SPTBN2: variants seen among roughly 807,000 people sequenced by gnomAD.
The protein encoded by SPTBN2 is spectrin beta chain, non-erythrocytic 2.
SPTBN2 carries 107 observed loss-of-function variants against 284.2 expected under a neutral mutation model. The observed-to-expected ratio is 0.38, with a 90% CI of 0.32 to 0.44. The LOEUF (loss-of-function observed/expected upper bound fraction) is 0.44. Ranked by LOEUF, SPTBN2 falls within the 20% of genes least tolerant of loss-of-function variation. The pLI is 1.00. For missense variants in SPTBN2, 2,569 were observed against 3,287.1 expected, an observed-to-expected ratio of 0.78 and a Z score of 5.34; for synonymous variants, 1,289 against 1,354.8, an observed-to-expected ratio of 0.95 and a Z score of 1.07.
chr11:66,707,710 C>T lies in SPTBN2; in HGVS notation c.1459G>A (p.Val487Met), dbSNP rs1334464409. The T allele has an allele frequency of 1.2e-6, 2 of 1,605,134 alleles. No individual in the cohort carries two copies. Among genetic ancestry groups the T allele is most frequent in the Non-Finnish European group, 1.7e-6 (2 of 1,178,780 alleles). ...YSGRVQAVDA[V>M]AAELAAERYH... ...CGCTCGGCGGCCAGCTCTGCAGCCA[C>T]GGCGTCCACTGCCTGCACCCGGCCG... is the stretch of plus-strand genomic sequence containing the variant. Residue 487 changes from valine (V) to methionine (M), a missense_variant, in exon 13 of 38, where the codon GTG (valine) becomes ATG (methionine). Physicochemically the swap from Val to Met is conservative, Grantham distance 21. Transcript: ENST00000533211. The surrounding 1 kb of genome is among the most constrained non-coding windows in gnomAD (Gnocchi z 4.9).
At chr11:66,698,911 G>A in intron 19 of SPTBN2, 81 bp downstream of exon 19, 3 of 1,600,898 alleles carry the variant, frequency 1.9e-6, no homozygotes, top group Non-Finnish European at 2.6e-6. Flanking sequence ...ACAGTCTCCG[G>A]TACCTTGTGC....
Position 66,689,922 on chromosome 11 carries a change from T to A in SPTBN2, c.5832A>T (p.Leu1944=), listed in dbSNP as rs777004329. ...TGATGCCTTGCTGGTTCTTGATGAC[T>A]AGATCCGCGGAGGACACATCCCTGG... The part of the protein sequence containing the change: ...ERPRDVSSAD[L]VIKNQQGIKA... The change falls in exon 29 of 38, where the codon CTA becomes CTT. Residue 1944 remains leucine, a synonymous_variant. Transcript: ENST00000533211. The A allele has an allele frequency of 6.2e-7, 1 of 1,613,946 alleles. No homozygotes were observed. Among genetic ancestry groups the A allele is most frequent in the Admixed American group, 1.7e-5 (1 of 60,012 alleles).
intron 1 of SPTBN2, among the ~76,000 whole-genome samples, chr11:66,740,548 G>A (rs1349056838): frequency 1.3e-5 from 2 of 152,198 alleles, no homozygotes; most frequent in Non-Finnish European, 2.9e-5. Context: ...TCAAGAAGGT[G>A]AAGGGATGAG....
rs757970041 is a variant in SPTBN2, at chr11:66,715,393, T to C, written c.312A>G (p.Pro104=). 1.2e-6 allele frequency: 2 copies of C among 1,611,432 alleles called. No homozygotes were observed. Among genetic ancestry groups the C allele is most frequent in the African/African-American group, 2.7e-5 (2 of 75,012 alleles). ...LLEVLSGEIL[P]KPTKGRMRIH... is the part of the protein sequence containing the mutation. Reference sequence around the variant, plus strand: ...TCCGCATGCGGCCCTTTGTAGGCTTTGGCTGTGGAGGGACGGGGGCAAAAT... The same window carrying C: ...TCCGCATGCGGCCCTTTGTAGGCTTCGGCTGTGGAGGGACGGGGGCAAAAT... Residue 104 remains proline (P), a splice_region_variant and synonymous_variant, in exon 5 of 38, where the codon CCA becomes CCG. Coordinates refer to ENST00000533211, the MANE Select transcript of SPTBN2 (RefSeq NM_006946.4). This position sits in a 1 kb window ranked among gnomAD's most constrained non-coding sequence, Gnocchi z 5.3.
intron 3 of SPTBN2, among the ~76,000 whole-genome samples, chr11:66,717,520 C>T (rs1435258847): frequency 6.6e-6 from 1 of 152,212 alleles, no homozygotes. Context: ...AGCCACTATA[C>T]TGGCACCAAA....
upstream of SPTBN2, among the ~76,000 whole-genome samples, chr11:66,729,870 C>T (rs890919344): frequency 3.3e-5 from 5 of 152,126 alleles, no homozygotes; most frequent in Admixed American, 1.3e-4. Flanking sequence ...GGCTTGATCT[C>T]GGCTCACTGC....
At chr11:66,706,430 A>C (rs1941562576) in intron 13 of SPTBN2, among the ~76,000 whole-genome samples, 1 of 152,208 alleles carries the variant, frequency 6.6e-6, no homozygotes, top group African/African-American at 2.4e-5. Context: ...TCCCAGGTCC[A>C]AGCAATTCTC....
chr11:66,724,537 T>A (rs528942547), intron 1 of SPTBN2, among the ~76,000 whole-genome samples: 9 of 152,278 alleles, frequency 5.9e-5, no homozygotes, highest in Admixed American at 2.6e-4. Context: ...CCCTGCCTCA[T>A]ATTTTTGTAC....
In SPTBN2 at chr11:66,735,427, C is replaced by T. The variant is rs72923100; in HGVS notation, c.-474-6235G>A. ...TGAGTTTAAAACTTGCAACGATTGA[C>T]GGCTGGGCATGGTGGCTCACGCCTG... On this transcript the variant is annotated intron_variant, in intron 1 of 37. Transcript: ENST00000611817. Among the ~76,000 whole-genome samples, 136 of 151,780 alleles carry T rather than the reference C, an allele frequency of 9.0e-4. 1 individual carries two copies. The highest frequency in any genetic ancestry group is 2.6e-3 in the Admixed American group (39 of 15,250).
chr11:66,708,390 T>G lies in SPTBN2; in HGVS notation c.1192-91A>C. 1.5e-6 allele frequency: 2 copies of G among 1,316,932 alleles called. No individual in the cohort carries two copies. Among genetic ancestry groups the G allele is most frequent in the Non-Finnish European group, 2.0e-6 (2 of 977,984 alleles). 81.6% of individuals were successfully genotyped at this position (1,316,932 alleles called of 1,614,324 possible). On this transcript the variant is annotated intron_variant, in intron 11 of 37. Transcript: ENST00000533211. This position sits in a 1 kb window ranked among gnomAD's most constrained non-coding sequence, Gnocchi z 4.4. ...CATGGTAAGTCCCATGGAAGCTCGG[T>G]CTGGTGGATCCGTGGAATGCAGTGG... is the stretch of plus-strand genomic sequence containing the variant.
At chr11:66,706,133 A>C (rs1298134196) in intron 13 of SPTBN2, among the ~76,000 whole-genome samples, 1 of 151,996 alleles carries the variant, frequency 6.6e-6, no homozygotes, top group African/African-American at 2.4e-5. Context: ...CCGCCCCAGC[A>C]CCCAGCAGCC....
chr11:66,691,727 G>A lies in SPTBN2; in HGVS notation c.5191-69C>T, dbSNP rs532461277. The A allele has an allele frequency of 2.4e-4, 390 of 1,604,184 alleles. No homozygotes were observed. The highest frequency in any genetic ancestry group is 3.2e-4 in the Non-Finnish European group (375 of 1,178,046). ...GGATGTGGTCCCTGCCTGATGGAGC[G>A]AGTCCTCCACTCCAAACTCAGAACC... On this transcript the variant is annotated intron_variant, in intron 26 of 37. Coordinates refer to ENST00000533211, the MANE Select transcript of SPTBN2 (RefSeq NM_006946.4). The surrounding 1 kb of genome is among the most constrained non-coding windows in gnomAD (Gnocchi z 8.0).
intron 30 of SPTBN2, 112 bp from the exon 31 acceptor site, chr11:66,688,961 G>A (rs1469501215): frequency 2.7e-6 from 4 of 1,483,366 alleles, no homozygotes; most frequent in Non-Finnish European, 3.7e-6. Context: ...CTGCCCCAGA[G>A]CTGTGCCAGG....
Position 66,707,433 on chromosome 11 carries a change from C to A in SPTBN2, c.1653+83G>T. 1 of 1,438,160 alleles carries A rather than the reference C, an allele frequency of 7.0e-7. No individual in the cohort carries two copies. Among genetic ancestry groups the A allele is most frequent in the South Asian group, 1.2e-5 (1 of 80,006 alleles). The allele number at this position is 1,438,160 out of a possible 1,614,324, so 89.1% of individuals were successfully genotyped here. On this transcript the variant is annotated intron_variant, in intron 13 of 37. Coordinates refer to ENST00000533211, the MANE Select transcript of SPTBN2 (RefSeq NM_006946.4). This position sits in a 1 kb window ranked among gnomAD's most constrained non-coding sequence, Gnocchi z 4.9. ...TGGTTCACACTCCACAGAGATCGGC[C>A]GAGCAGACGGGCGGACGCACCCACT...
At position 66,687,474 on chromosome 11, in the gene SPTBN2, C is replaced by T. The variant is rs771173545; in HGVS notation, c.6675G>A (p.Leu2225=). 16 of 1,610,202 alleles carry T rather than the reference C, an allele frequency of 9.9e-6. No individual in the cohort carries two copies. In the South Asian group the frequency reaches 1.6e-4, roughly 17 times the overall value. ...AGGCCTCCATCTCCTGCTTGCGGCACAGCATCCCCTCCATCTGCTCCTGGG... is the reference window on the plus strand; with the variant it reads ...AGGCCTCCATCTCCTGCTTGCGGCATAGCATCCCCTCCATCTGCTCCTGGG... ...PSAQEQMEGM[L]CRKQEMEAFG... is the part of the protein sequence containing the mutation. The change falls in exon 35 of 38, where the codon CTG becomes CTA. Residue 2225 remains leucine, a synonymous_variant. Coordinates refer to ENST00000533211, the MANE Select transcript of SPTBN2 (RefSeq NM_006946.4). This position sits in a 1 kb window ranked among gnomAD's most constrained non-coding sequence, Gnocchi z 5.2.
At chr11:66,723,220 T>G (rs1270786363) in intron 1 of SPTBN2, among the ~76,000 whole-genome samples, 1 of 151,476 alleles carries the variant, frequency 6.6e-6, no homozygotes, top group Non-Finnish European at 1.5e-5. Flanking sequence ...AAAAAAAACC[T>G]CTACTGTCCA....
chr11:66,706,199 G>A (rs1941548680), intron 13 of SPTBN2, among the ~76,000 whole-genome samples: 1 of 152,150 alleles, frequency 6.6e-6, no homozygotes, highest in Admixed American at 6.5e-5. Flanking sequence ...CCTGGAAGAT[G>A]GCAGCAACCT....
intron 1 of SPTBN2, among the ~76,000 whole-genome samples, chr11:66,743,279 G>A (rs1244313641): frequency 6.6e-6 from 1 of 152,190 alleles, no homozygotes; most frequent in Non-Finnish European, 1.5e-5. Flanking sequence ...ACTGAGATGG[G>A]GAGGAATGGG....
intron 3 of SPTBN2, among the ~76,000 whole-genome samples, chr11:66,718,000 G>A (rs1331674339): frequency 3.3e-5 from 5 of 152,094 alleles, no homozygotes; most frequent in Admixed American, 1.3e-4. Flanking sequence ...CACGCTCAGA[G>A]GCCTGGAAAA....
Sources: gnomAD v4.1 joint callset for allele counts (sites outside exome capture counted in the v4.1 genomes callset) on GRCh38, gnomAD v4.1.1 for gene constraint, Gnocchi (gnomAD v3.1) non-coding constraint, MANE v1.5 for transcripts, NCBI Gene and HGNC (gene_info 2026-07-23, HGNC 2026-07-21) for gene names.